The following CFAP20DC variants were observed in gnomAD, a reference collection of about 807,000 sequenced individuals.
CFAP20DC encodes the protein CFAP20 domain containing.
A neutral mutation model predicts 101.7 loss-of-function variants in CFAP20DC; 84 were observed. The observed-to-expected ratio is 0.83, with a 90% CI of 0.69 to 0.99. The LOEUF is 0.99. Among genes scored for constraint, CFAP20DC ranks in the 50% least tolerant of loss-of-function variants. The pLI, the probability that CFAP20DC is intolerant of heterozygous loss-of-function variation, is 0.00. For synonymous variants in CFAP20DC, 359 were observed against 351.2 expected (o/e 1.02, Z -0.25); for missense variants, 1,007 against 970.3 (o/e 1.04, Z -0.50).
chr3:58,807,432 C>T (rs961054821), intron 14 of CFAP20DC, among the ~76,000 whole-genome samples: 11 of 152,196 alleles, frequency 7.2e-5, no homozygotes, highest in African/African-American at 2.4e-4. Flanking sequence ...TCTGCAGCCA[C>T]CGCTGCGGAT....
intron 5 of CFAP20DC, among the ~76,000 whole-genome samples, chr3:58,924,850 A>G (rs2085775093): frequency 6.6e-6 from 1 of 151,530 alleles, no homozygotes; most frequent in South Asian, 2.1e-4. Flanking sequence ...TTTTTTTCAT[A>G]TTTTTGTTGG....
intron 4 of CFAP20DC, among the ~76,000 whole-genome samples, chr3:58,999,884 G>C (rs2093260582): frequency 6.7e-6 from 1 of 148,918 alleles, no homozygotes; most frequent in Non-Finnish European, 1.5e-5. Context: ...GACAGAGCAC[G>C]GGAAGGCCAC....
chr3:59,023,624 G>C (rs1245901424), intron 4 of CFAP20DC, among the ~76,000 whole-genome samples: 1 of 152,078 alleles, frequency 6.6e-6, no homozygotes, highest in African/African-American at 2.4e-5. Context: ...GGGTGCCAGT[G>C]ACCACCAACT....
chr3:58,945,380 C>T (rs1576427993), intron 4 of CFAP20DC, among the ~76,000 whole-genome samples: 1 of 152,320 alleles, frequency 6.6e-6, no homozygotes, highest in East Asian at 1.9e-4. Context: ...TGAATGGACA[C>T]AGTTCATGTT....
At chr3:58,792,434 A>G (rs1275783434) in intron 15 of CFAP20DC, among the ~76,000 whole-genome samples, 1 of 152,142 alleles carries the variant, frequency 6.6e-6, no homozygotes, top group Non-Finnish European at 1.5e-5. Context: ...TTGAATATTA[A>G]GATATTAGAA....
In CFAP20DC at chr3:58,884,571, C is replaced by T. The variant is rs534624514; in HGVS notation, c.689G>A (p.Gly230Asp). 5.6e-6 allele frequency: 9 copies of T among 1,613,860 alleles called. No individual in the cohort carries two copies. The South Asian group carries it at 7.7e-5, about 14-fold the overall frequency. ...TGATTCTGCTGATCTTAGAGGATGGCCTCCGAATTTTATTTCAGTTTGGCG... is the reference window on the plus strand; with the variant it reads ...TGATTCTGCTGATCTTAGAGGATGGTCTCCGAATTTTATTTCAGTTTGGCG... ...KLRQTEIKFG[G>D]HPLRSAESDQ... is the part of the protein sequence containing the mutation. Residue 230 changes from glycine to aspartate, a missense_variant, in exon 7 of 17, where the codon GGC (glycine) becomes GAC (aspartate). Transcript: ENST00000482387.
At chr3:58,931,891 T>C (rs543134178) in intron 5 of CFAP20DC, among the ~76,000 whole-genome samples, 1 of 152,330 alleles carries the variant, frequency 6.6e-6, no homozygotes, top group South Asian at 2.1e-4. Context: ...AGGAACGCAG[T>C]TCCTCTCCAG....
Position 59,009,211 on chromosome 3 carries a change from A to G in CFAP20DC, c.278+30346T>C, listed in dbSNP as rs116374825. Among the ~76,000 whole-genome samples the G allele has an allele frequency of 4.5e-3, 680 of 152,266 alleles. 5 individuals carry two copies. The highest frequency in any genetic ancestry group is 0.016 in the African/African-American group (665 of 41,552). On this transcript the variant is annotated intron_variant, in intron 4 of 16. Coordinates refer to ENST00000482387, the MANE Select transcript of CFAP20DC (RefSeq NM_001394063.1). ...AATAAATTCAAGAACAATTTTAAGA[A>G]ATAGTCTAGCCAAATGAGAGGGAAC...
intron 4 of CFAP20DC, among the ~76,000 whole-genome samples, chr3:58,958,094 C>T (rs2090802976): frequency 2.0e-5 from 3 of 152,046 alleles, no homozygotes; most frequent in Admixed American, 2.0e-4. Flanking sequence ...TGTATCAAAA[C>T]ATCTCAGGTA....
At chr3:58,817,284 G>C (rs557036338) in intron 14 of CFAP20DC, among the ~76,000 whole-genome samples, 2 of 152,182 alleles carry the variant, frequency 1.3e-5, no homozygotes, top group Non-Finnish European at 2.9e-5. Flanking sequence ...AACAAAGCTG[G>C]ATGGAGAATG....
chr3:58,930,238 C>T (rs2086454510), intron 5 of CFAP20DC, among the ~76,000 whole-genome samples: 1 of 152,162 alleles, frequency 6.6e-6, no homozygotes. Flanking sequence ...CACTGCTCCC[C>T]CGACTGCCCC....
chr3:58,985,389 C>G (rs1365652035), intron 4 of CFAP20DC, among the ~76,000 whole-genome samples: 1 of 152,176 alleles, frequency 6.6e-6, no homozygotes, highest in Non-Finnish European at 1.5e-5. Context: ...CAACAACCTC[C>G]TAATTACACT....
intron 6 of CFAP20DC, among the ~76,000 whole-genome samples, chr3:58,888,848 G>T (rs1467928557): frequency 6.6e-6 from 1 of 152,116 alleles, no homozygotes; most frequent in Admixed American, 6.5e-5. Context: ...GGATTGCTGG[G>T]TCAAATGATA....
Position 58,959,394 on chromosome 3 carries a change from A to G in CFAP20DC, c.279-21632T>C, listed in dbSNP as rs140617626. On this transcript the variant is annotated intron_variant, in intron 4 of 16. Coordinates refer to ENST00000482387, the MANE Select transcript of CFAP20DC (RefSeq NM_001394063.1). ...CAGGCGTAAGCCACTGCGTCTGGCC[A>G]AAGTCTTATATTTGAGTCCAAAATC... 3.3e-5 allele frequency among the ~76,000 whole-genome samples: 5 copies of G among 152,264 alleles called. No individual in the cohort carries two copies. The East Asian group carries it at 9.7e-4, about 29-fold the overall frequency.
intron 6 of CFAP20DC, among the ~76,000 whole-genome samples, chr3:58,905,471 G>A (rs1481459685): frequency 3.9e-5 from 6 of 152,076 alleles, no homozygotes; most frequent in Admixed American, 3.3e-4. Context: ...GAATCAGTAC[G>A]CTTTACTACT....
At chr3:58,961,002 T>C (rs565998594) in intron 4 of CFAP20DC, among the ~76,000 whole-genome samples, 1 of 152,320 alleles carries the variant, frequency 6.6e-6, no homozygotes, top group South Asian at 2.1e-4. Context: ...ATGGTGATTA[T>C]GTGTTTCTTG....
intron 15 of CFAP20DC, chr3:58,794,128 A>G (rs2073058241): frequency 3.6e-6 from 1 of 280,782 alleles, no homozygotes; most frequent in Non-Finnish European, 7.4e-6. Context: ...CAGTAATTCA[A>G]AGGTCACTAC....
intron 4 of CFAP20DC, among the ~76,000 whole-genome samples, chr3:58,977,728 T>TAAAAAAAAAAAAA (rs57717110): frequency 8.6e-6 from 1 of 116,484 alleles, no homozygotes; most frequent in Non-Finnish European, 1.8e-5. Flanking sequence ...AGTGGCGAAG[T>TAAAAAAAAAAAAA]AAAAAAAAAA....
At chr3:58,769,800 T>C (rs2070676586) in intron 15 of CFAP20DC, among the ~76,000 whole-genome samples, 1 of 152,220 alleles carries the variant, frequency 6.6e-6, no homozygotes, top group South Asian at 2.1e-4. Flanking sequence ...CAACTACTAC[T>C]GTGTTTTCAT....
Sources: allele counts gnomAD v4.1 joint callset (sites outside exome capture counted in the v4.1 genomes callset), GRCh38; gene constraint gnomAD v4.1.1; transcripts MANE v1.5; gene names NCBI Gene and HGNC (gene_info 2026-07-23, HGNC 2026-07-21).